Variants in MNAT1 observed in about 807,000 individuals in gnomAD.
The protein encoded by MNAT1 is MNAT1 component of CDK activating kinase, also known as CDK-activating kinase assembly factor MAT1.
Under a neutral mutation model 42.0 loss-of-function variants are expected in MNAT1, and 43 were observed. The ratio of observed to expected loss-of-function variants is 1.02; its 90% CI spans 0.80 to 1.32. The LOEUF (loss-of-function observed/expected upper bound fraction) is 1.32. Ranked by LOEUF, MNAT1 falls within the 40% of genes most tolerant of loss-of-function variation. The pLI is 0.00. For synonymous variants in MNAT1, 118 were observed against 120.0 expected (o/e 0.98, Z 0.11); for missense variants, 306 against 350.4 (o/e 0.87, Z 1.01).
intron 6 of MNAT1, among the ~76,000 whole-genome samples, chr14:60,857,628 G>C (rs950773821): frequency 7.2e-5 from 11 of 152,112 alleles, no homozygotes; most frequent in Non-Finnish European, 1.3e-4. Flanking sequence ...ACAATGTGCA[G>C]GTTTGTTACA....
rs763212966 is a variant in MNAT1, at chr14:60,856,781, A to G, written c.688-22933A>G. On this transcript the variant is annotated intron_variant, in intron 6 of 7. Transcript: ENST00000261245. ...TGGCAACCTCCGCCTCCTGGTTTCA[A>G]GCGTTTCCTCTGCCTCAGCCTCCTG... Among the ~76,000 whole-genome samples, 12 of 151,974 alleles carry G rather than the reference A, an allele frequency of 7.9e-5. No homozygotes were observed. In the Middle Eastern group the frequency reaches 0.01, roughly 129 times the overall value.
At chr14:60,944,547 T>G (rs4151377) in intron 7 of MNAT1, among the ~76,000 whole-genome samples, 7 of 152,280 alleles carry the variant, frequency 4.6e-5, no homozygotes, top group Non-Finnish European at 7.4e-5. Flanking sequence ...TGTGGTATTT[T>G]GTTATAGCAG....
chr14:60,959,920 GTTTTT>G (rs11359127), intron 7 of MNAT1, among the ~76,000 whole-genome samples: 1 of 93,166 alleles, frequency 1.1e-5, no homozygotes. Context: ...TGGTTTTTAT[GTTTTT>G]TTTTTTTTTT....
chr14:60,796,187 A>T (rs1434741304), intron 1 of MNAT1, 30 bp from the exon 2 acceptor site: 3 of 1,590,330 alleles, frequency 1.9e-6, no homozygotes, highest in Admixed American at 3.5e-5. Flanking sequence ...ACATTGGCTT[A>T]AATGTTATGT....
At chr14:60,739,387 TA>T (rs1403998447) in intron 1 of MNAT1, among the ~76,000 whole-genome samples, 8 of 152,008 alleles carry the variant, frequency 5.3e-5, no homozygotes, top group African/African-American at 1.5e-4. Flanking sequence ...TTTATTAACT[TA>T]TTTTTTTTTT....
chr14:60,906,947 C>A (rs1239246075), intron 7 of MNAT1, among the ~76,000 whole-genome samples: 1 of 151,862 alleles, frequency 6.6e-6, no homozygotes, highest in Non-Finnish European at 1.5e-5. Flanking sequence ...TTACAATCAT[C>A]CCCAAGCTCC....
intron 1 of MNAT1, among the ~76,000 whole-genome samples, chr14:60,779,443 GTCT>G (rs544840984): frequency 6.6e-5 from 10 of 152,166 alleles, no homozygotes; most frequent in Admixed American, 6.5e-5. Context: ...ACTATAGTTT[GTCT>G]TCTTCTCTTG....
chr14:60,857,821 G>A (rs762975715), intron 6 of MNAT1, among the ~76,000 whole-genome samples: 21 of 151,076 alleles, frequency 1.4e-4, no homozygotes, highest in Non-Finnish European at 2.4e-4. Context: ...GAGAACATGC[G>A]GTGTTTGGTT....
At chr14:60,765,530 T>A (rs542020524) in intron 1 of MNAT1, among the ~76,000 whole-genome samples, 1 of 152,126 alleles carries the variant, frequency 6.6e-6, no homozygotes, top group Non-Finnish European at 1.5e-5. Context: ...ATTTAAAAAA[T>A]TAAAAACAAA....
At chr14:60,738,005 C>A (rs1388490245) in intron 1 of MNAT1, among the ~76,000 whole-genome samples, 3 of 146,800 alleles carry the variant, frequency 2.0e-5, no homozygotes, top group African/African-American at 7.6e-5. Flanking sequence ...CCCGCTACCA[C>A]GCCCGGCTAA....
At chr14:60,767,414 T>C (rs185088053) in intron 1 of MNAT1, among the ~76,000 whole-genome samples, 1 of 152,284 alleles carries the variant, frequency 6.6e-6, no homozygotes, top group Admixed American at 6.5e-5. Flanking sequence ...TTGGATACTC[T>C]ACACTTGTGG....
intron 6 of MNAT1, among the ~76,000 whole-genome samples, chr14:60,820,806 C>G (rs1376597435): frequency 6.6e-6 from 1 of 152,078 alleles, no homozygotes; most frequent in African/African-American, 2.4e-5. Context: ...CAATATTAAA[C>G]AAATCAGCTC....
intron 1 of MNAT1, among the ~76,000 whole-genome samples, chr14:60,754,506 C>T (rs1213877220): frequency 6.6e-6 from 1 of 151,974 alleles, no homozygotes; most frequent in East Asian, 1.9e-4. Context: ...TGCCACCACA[C>T]CTGGTTGATT....
chr14:60,811,060 T>G (rs758062011), intron 4 of MNAT1, among the ~76,000 whole-genome samples: 2 of 152,170 alleles, frequency 1.3e-5, no homozygotes, highest in Admixed American at 6.5e-5. Flanking sequence ...TTCTATATGT[T>G]GATCCTTTTA....
rs761642547 is a variant in MNAT1 at position 60,879,759 on chromosome 14, C to G, written c.733C>G (p.Leu245Val). ...ACCTATTCACAAGCTTGAAGAAGCT[C>G]TGTATGAATACCAGCCACTGCAGAT... ...LAPIHKLEEA[L>V]YEYQPLQIET... The change falls in exon 7 of 8, where the codon CTG becomes GTG. Residue 245 changes from leucine to valine, a missense_variant. By Grantham distance (32) the Leu-to-Val change is conservative. This residue lies in a region of MNAT1 where 116 missense variants were observed against 139.6 expected (regional missense o/e 0.83). Coordinates refer to ENST00000261245, the MANE Select transcript of MNAT1 (RefSeq NM_002431.4). 2.5e-6 allele frequency: 4 copies of G among 1,613,230 alleles called. No homozygotes were observed. The highest frequency in any genetic ancestry group is 3.3e-5 in the Admixed American group (2 of 59,978).
intron 6 of MNAT1, among the ~76,000 whole-genome samples, chr14:60,873,534 T>C (rs1481002540): frequency 6.6e-6 from 1 of 152,122 alleles, no homozygotes; most frequent in Non-Finnish European, 1.5e-5. Flanking sequence ...AGTGGCACAA[T>C]CACAGCTCAC....
chr14:60,780,569 G>C, intron 1 of MNAT1: 1 of 1,518,232 alleles, frequency 6.6e-7, no homozygotes, highest in Non-Finnish European at 9.1e-7. Flanking sequence ...TAGCATGGTG[G>C]CCTACAAAAT....
intron 6 of MNAT1, among the ~76,000 whole-genome samples, chr14:60,831,241 C>T (rs1005444467): frequency 6.6e-6 from 1 of 151,754 alleles, no homozygotes; most frequent in Admixed American, 6.6e-5. Flanking sequence ...AGGTTTGTTA[C>T]ATAGGTATAC....
intron 6 of MNAT1, among the ~76,000 whole-genome samples, chr14:60,829,087 C>T (rs1266105035): frequency 6.6e-6 from 1 of 152,094 alleles, no homozygotes; most frequent in Non-Finnish European, 1.5e-5. Flanking sequence ...AACTCAACCT[C>T]CTGCCCCTCA....
Sources: allele counts gnomAD v4.1 joint callset (sites outside exome capture counted in the v4.1 genomes callset), GRCh38; gene constraint gnomAD v4.1.1; regional missense constraint gnomAD v4.1.1; transcripts MANE v1.5; gene names NCBI Gene and HGNC (gene_info 2026-07-23, HGNC 2026-07-21).